The following SDK2 variants were observed in gnomAD, a reference collection of about 807,000 sequenced individuals.
The protein encoded by SDK2 is sidekick cell adhesion molecule 2.
In SDK2, 105 loss-of-function variants were observed where a neutral mutation model predicts 253.9. The ratio of observed to expected loss-of-function variants is 0.41; its 90% confidence interval spans 0.35 to 0.49. The LOEUF (loss-of-function observed/expected upper bound fraction) is 0.49. SDK2 is among the 20% of genes least tolerant of loss of function. The probability of loss-of-function intolerance (pLI) is 0.06; values close to 1 mark genes in which losing one functional copy is unlikely to be tolerated. For missense variants in SDK2, 2,608 were observed against 3,003.0 expected, an observed-to-expected ratio of 0.87 and a Z score of 3.07; for synonymous variants, 1,249 against 1,234.9, an observed-to-expected ratio of 1.01 and a Z score of -0.24.
intron 4 of SDK2, among the ~76,000 whole-genome samples, chr17:73,448,785 T>C (rs2063471825): frequency 6.6e-6 from 1 of 152,104 alleles, no homozygotes; most frequent in Admixed American, 6.5e-5. Context: ...CTCAGCCTCC[T>C]GAGTAGCTGG....
intron 1 of SDK2, among the ~76,000 whole-genome samples, chr17:73,583,803 G>A (rs1353744431): frequency 6.6e-6 from 1 of 152,092 alleles, no homozygotes. Flanking sequence ...CCAGATGAAG[G>A]GTCCAGGGGC....
At chr17:73,510,914 T>C (rs2063975189) in intron 1 of SDK2, among the ~76,000 whole-genome samples, 1 of 152,210 alleles carries the variant, frequency 6.6e-6, no homozygotes, top group African/African-American at 2.4e-5. Context: ...TCTTTCTGAG[T>C]GTGGACTTGG....
intron 1 of SDK2, among the ~76,000 whole-genome samples, chr17:73,543,183 C>A (rs1403367101): frequency 2.0e-5 from 3 of 152,130 alleles, no homozygotes; most frequent in Admixed American, 6.5e-5. Context: ...GCACTCAGCT[C>A]CCTGCCCTCT....
chr17:73,416,071 G>A (rs559244330), intron 16 of SDK2, 79 bp from the exon 17 acceptor site: 48 of 1,356,474 alleles, frequency 3.5e-5, no homozygotes, highest in African/African-American at 1.0e-4. Context: ...CCAGAGCAGC[G>A]CTGTCCAATA....
intron 1 of SDK2, among the ~76,000 whole-genome samples, chr17:73,577,515 T>C (rs924883502): frequency 6.6e-6 from 1 of 152,078 alleles, no homozygotes; most frequent in East Asian, 1.9e-4. Flanking sequence ...GTTCTACCCT[T>C]CAGGGCTGCG....
intron 36 of SDK2, chr17:73,369,061 C>A: frequency 2.5e-6 from 1 of 397,508 alleles, no homozygotes. Flanking sequence ...CTTTCTGGAA[C>A]CTTCCTTTTC....
At position 73,338,994 on chromosome 17, in the gene SDK2, G is replaced by T. The variant is rs1284977309; in HGVS notation, c.6166-54C>A. The T allele has an allele frequency of 2.0e-6, 3 of 1,524,192 alleles. No homozygotes were observed. Among genetic ancestry groups the T allele is most frequent in the South Asian group, 1.1e-5 (1 of 88,860 alleles). 94.4% of individuals were successfully genotyped at this position (1,524,192 alleles called of 1,614,324 possible). On this transcript the variant is annotated intron_variant, in intron 44 of 44. Transcript: ENST00000392650. This position sits in a 1 kb window ranked among gnomAD's most constrained non-coding sequence, Gnocchi z 5.0. Reference sequence around the variant, plus strand: ...AGTGGCCCCGTAGGGACAGGCCATTGTGGTTGGGGCCGGAAGGCACAGGGC... The same window carrying T: ...AGTGGCCCCGTAGGGACAGGCCATTTTGGTTGGGGCCGGAAGGCACAGGGC...
At chr17:73,376,708 G>A (rs371345293) in intron 36 of SDK2, among the ~76,000 whole-genome samples, 1 of 152,130 alleles carries the variant, frequency 6.6e-6, no homozygotes, top group South Asian at 2.1e-4. Context: ...TCTGGTGGCT[G>A]CCACACTGCT....
intron 3 of SDK2, among the ~76,000 whole-genome samples, chr17:73,460,406 C>T (rs2145671755): frequency 6.6e-6 from 1 of 152,314 alleles, no homozygotes; most frequent in South Asian, 2.1e-4. Context: ...GCTGCCCTTG[C>T]TATTCTCTGT....
In SDK2 at chr17:73,414,765, G is replaced by GGA. The variant is rs1404936424; in HGVS notation, c.2369-8_2369-7dup. 5.6e-6 allele frequency: 9 copies of GGA among 1,600,996 alleles called. No homozygotes were observed. The highest frequency in any genetic ancestry group is 6.8e-6 in the Non-Finnish European group (8 of 1,168,542). On this transcript the variant is annotated splice_region_variant and splice_polypyrimidine_tract_variant and intron_variant, in intron 17 of 44. Coordinates refer to ENST00000392650, the MANE Select transcript of SDK2 (RefSeq NM_001144952.2). ...GCCCGGAGGGACCGTGGGAACTAGA[G>GGA]GAGATGAGAGAACGGGGTGGGGTGG... is the stretch of plus-strand genomic sequence containing the variant.
chr17:73,357,745 C>T (rs936513729), intron 40 of SDK2: 1 of 391,236 alleles, frequency 2.6e-6, no homozygotes, highest in African/African-American at 2.1e-5. Context: ...ATGGGGCACC[C>T]ATCAGTGGGG....
At chr17:73,401,614 C>T in intron 20 of SDK2, 40 bp downstream of exon 20, 1 of 1,523,550 alleles carries the variant, frequency 6.6e-7, no homozygotes, top group Admixed American at 1.9e-5. Context: ...CTTTCCCAGC[C>T]CTGTCCTGCC....
chr17:73,599,556 A>C (rs1745359824), intron 1 of SDK2, among the ~76,000 whole-genome samples: 1 of 151,866 alleles, frequency 6.6e-6, no homozygotes, highest in Non-Finnish European at 1.5e-5. Context: ...AAATTAAATA[A>C]ATAAAAATAA....
chr17:73,478,479 G>A (rs779919801), intron 2 of SDK2, among the ~76,000 whole-genome samples: 10 of 152,270 alleles, frequency 6.6e-5, no homozygotes, highest in East Asian at 3.9e-4. Flanking sequence ...ACCCGTTCTC[G>A]TCATCTCCAT....
intron 38 of SDK2, among the ~76,000 whole-genome samples, chr17:73,364,082 T>C (rs1418511465): frequency 6.6e-6 from 1 of 150,936 alleles, no homozygotes; most frequent in African/African-American, 2.4e-5. Flanking sequence ...GTGAGAGGGG[T>C]GGCTCCAGAG....
intron 14 of SDK2, 80 bp from the exon 15 acceptor site, chr17:73,422,514 G>T: frequency 1.3e-6 from 2 of 1,506,148 alleles, no homozygotes; most frequent in Non-Finnish European, 1.8e-6. Flanking sequence ...TCCCAGCAGG[G>T]TCCAGCTTCA....
intron 1 of SDK2, among the ~76,000 whole-genome samples, chr17:73,549,251 T>A (rs909837426): frequency 1.3e-5 from 2 of 151,952 alleles, no homozygotes; most frequent in African/African-American, 4.8e-5. Flanking sequence ...GAGGAGGCAA[T>A]TGCCTCCTCC....
In SDK2 at chr17:73,338,852, T is replaced by A; in HGVS notation, c.6254A>T (p.Asn2085Ile). 1 of 1,613,444 alleles carries A rather than the reference T, an allele frequency of 6.2e-7. No individual in the cohort carries two copies. Among genetic ancestry groups the A allele is most frequent in the Non-Finnish European group, 8.5e-7 (1 of 1,179,762 alleles). The change falls in exon 45 of 45, where the codon AAC (asparagine) becomes ATC (isoleucine). Residue 2085 changes from asparagine to isoleucine, a missense_variant. Physicochemically the swap from Asn to Ile is moderately radical, Grantham distance 149. Around this residue, in one of 2 missense-constraint regions of SDK2, gnomAD observed 1,103 missense variants for 1,143.9 expected, o/e 0.96. Transcript: ENST00000392650. This position sits in a 1 kb window ranked among gnomAD's most constrained non-coding sequence, Gnocchi z 5.0. ...GCCCTTCTGCTGTCGCCGCCACGAG[T>A]TGTAGTATGTGGGGTCACTGATGTA... is the stretch of plus-strand genomic sequence containing the variant. Reference protein sequence around the residue: ...NHYISDPTYYNSWRRQQKGIS... With the variant: ...NHYISDPTYYISWRRQQKGIS...
intron 1 of SDK2, among the ~76,000 whole-genome samples, chr17:73,581,506 T>C (rs2045534178): frequency 1.3e-5 from 2 of 152,252 alleles, no homozygotes. Flanking sequence ...TTGGCTGTGA[T>C]AAGCGCACCT....
Sources: allele counts gnomAD v4.1 joint callset (sites outside exome capture counted in the v4.1 genomes callset), GRCh38; gene constraint gnomAD v4.1.1; regional missense constraint gnomAD v4.1.1; non-coding constraint Gnocchi (gnomAD v3.1); transcripts MANE v1.5; gene names NCBI Gene and HGNC (gene_info 2026-07-23, HGNC 2026-07-21).